The following ATIC variants were observed in gnomAD, a reference collection of about 807,000 sequenced individuals.
ATIC encodes the protein 5-aminoimidazole-4-carboxamide ribonucleotide formyltransferase/IMP cyclohydrolase.
In ATIC, 64 loss-of-function variants were observed where a neutral mutation model predicts 72.5. The observed-to-expected ratio is 0.88, with a 90% CI of 0.72 to 1.09. The LOEUF is 1.09. Among genes scored for constraint, ATIC ranks in the 50% least tolerant of loss-of-function variants. The pLI is 0.00. For missense variants in ATIC, 787 were observed against 732.4 expected (o/e 1.07, Z -0.86); for synonymous variants, 281 against 267.1 (o/e 1.05, Z -0.51).
chr2:215,361,655 T>A, the ATIC span: 14 of 1,510,278 alleles, frequency 9.3e-6, no homozygotes, highest in African/African-American at 1.4e-5. Flanking sequence ...GAAAAAAAAA[T>A]TAGTGGCAAA....
chr2:215,358,405 G>A, the ATIC span, among the ~76,000 whole-genome samples: 1 of 152,052 alleles, frequency 6.6e-6, no homozygotes, highest in East Asian at 1.9e-4. Context: ...ATTCTCGGGG[G>A]AAGCAATAAC....
chr2:215,318,934 T>C (rs1437666037), intron 3 of ATIC, among the ~76,000 whole-genome samples: 2 of 151,962 alleles, frequency 1.3e-5, no homozygotes, highest in Admixed American at 6.6e-5. Flanking sequence ...TGGAGTGCAG[T>C]GGTGCGATCA....
At chr2:215,354,165 A>T (rs908928191), downstream of ATIC, among the ~76,000 whole-genome samples, 2 of 151,496 alleles carry the variant, frequency 1.3e-5, no homozygotes, top group Non-Finnish European at 2.9e-5. Flanking sequence ...GTAGCTGGGG[A>T]CCACAGGTGT....
Position 215,334,984 on chromosome 2 carries a change from G to A in ATIC, c.988G>A (p.Ala330Thr). Reference protein sequence around the residue: ...ALSDVCDVPTAKIISREVSDG... With the variant: ...ALSDVCDVPTTKIISREVSDG... Reference sequence around the variant, plus strand: ...GTCCGATGTTTGTGATGTACCAACTGCAAAAATTATTTCCAGAGAAGTTAG... The same window carrying A: ...GTCCGATGTTTGTGATGTACCAACTACAAAAATTATTTCCAGAGAAGTTAG... Residue 330 changes from alanine (A) to threonine (T), a missense_variant, in exon 10 of 16, where the codon GCA becomes ACA. Ala to Thr is a moderately conservative substitution (Grantham distance 58). Transcript: ENST00000236959. The A allele has an allele frequency of 1.9e-6, 3 of 1,613,082 alleles. No homozygotes were observed. The highest frequency in any genetic ancestry group is 8.5e-7 in the Non-Finnish European group (1 of 1,179,330).
At chr2:215,318,392 T>G (rs928692805) in intron 3 of ATIC, among the ~76,000 whole-genome samples, 159 bp downstream of exon 3, 4 of 152,244 alleles carry the variant, frequency 2.6e-5, no homozygotes, top group Admixed American at 2.6e-4. Context: ...ACGTTAGAAC[T>G]GGTTTAAAAT....
intron 13 of ATIC, among the ~76,000 whole-genome samples, chr2:215,346,025 C>T (rs1384531366): frequency 6.6e-6 from 1 of 152,154 alleles, no homozygotes; most frequent in African/African-American, 2.4e-5. Context: ...GGAATTGTTT[C>T]TACTTTTAGC....
chr2:215,339,976 C>T (rs139119835), intron 12 of ATIC, among the ~76,000 whole-genome samples: 2,098 of 149,936 alleles, frequency 0.014, 34 homozygotes, highest in African/African-American at 0.047. Flanking sequence ...GTTTTTATCC[C>T]TTTGAAGCTC....
intron 12 of ATIC, among the ~76,000 whole-genome samples, chr2:215,343,006 TA>T (rs1186168222): frequency 6.6e-6 from 1 of 152,222 alleles, no homozygotes; most frequent in Non-Finnish European, 1.5e-5. Flanking sequence ...CCAGGGTTGT[TA>T]ACTGCTTTGT....
the ATIC span, among the ~76,000 whole-genome samples, chr2:215,357,984 T>C: frequency 9.2e-5 from 14 of 152,140 alleles, no homozygotes; most frequent in Non-Finnish European, 2.1e-4. Context: ...TGTGCTGATG[T>C]GATGTTTCTT....
At chr2:215,342,926 G>T (rs764740411) in intron 12 of ATIC, among the ~76,000 whole-genome samples, 1 of 152,182 alleles carries the variant, frequency 6.6e-6, no homozygotes, top group African/African-American at 2.4e-5. Flanking sequence ...TGATCTACCC[G>T]CCTGGGATTA....
chr2:215,321,011 T>C (rs1299643127), intron 4 of ATIC, among the ~76,000 whole-genome samples: 2 of 152,124 alleles, frequency 1.3e-5, no homozygotes, highest in Admixed American at 1.3e-4. Flanking sequence ...ACCTCCAACA[T>C]TGGGGATCAC....
intron 6 of ATIC, among the ~76,000 whole-genome samples, chr2:215,326,609 CAA>C (rs879810774): frequency 3.0e-4 from 28 of 92,956 alleles, no homozygotes; most frequent in Admixed American, 3.5e-4. Flanking sequence ...GACTTTGTCT[CAA>C]AAAAAAAAAA....
intron 12 of ATIC, among the ~76,000 whole-genome samples, chr2:215,340,328 G>A (rs961192326): frequency 1.3e-5 from 2 of 152,110 alleles, no homozygotes; most frequent in African/African-American, 2.4e-5. Flanking sequence ...AAATTTGACC[G>A]GAGTTACACA....
At position 215,319,793 on chromosome 2, in the gene ATIC, C is replaced by G. The variant is rs898514599; in HGVS notation, c.290+62C>G. On this transcript the variant is annotated intron_variant, in intron 4 of 15. Transcript: ENST00000236959. ...ACCAACGACAAAGACTATGCCAAAC[C>G]TGGTGTCCCTGTGTTTTCTTACTCA... is the stretch of plus-strand genomic sequence containing the variant. 2.3e-6 allele frequency: 3 copies of G among 1,305,064 alleles called. No homozygotes were observed. In the African/African-American group the frequency reaches 4.4e-5, roughly 19 times the overall value. The allele number at this position is 1,305,064 out of a possible 1,614,324, so 80.8% of individuals were successfully genotyped here.
In ATIC at chr2:215,327,934, G is replaced by A. The variant is rs529848618; in HGVS notation, c.688+956G>A. On this transcript the variant is annotated intron_variant, in intron 7 of 15. Coordinates refer to ENST00000236959, the MANE Select transcript of ATIC (RefSeq NM_004044.7). ...AATTAAGACAACGGAGTCTCGCTCT[G>A]TCACCCAGGCTGGAGTGCAGTGGCG... Among the ~76,000 whole-genome samples, 9 of 149,734 alleles carry A rather than the reference G, an allele frequency of 6.0e-5. No individual in the cohort carries two copies. In the East Asian group the frequency reaches 1.4e-3, roughly 23 times the overall value.
chr2:215,358,385 G>A, the ATIC span, among the ~76,000 whole-genome samples: 11 of 151,404 alleles, frequency 7.3e-5, no homozygotes, highest in African/African-American at 2.4e-4. Context: ...AATCTTGCCC[G>A]CTTAAAACAA....
chr2:215,312,746 T>C, intron 2 of ATIC, 122 bp downstream of exon 2: 2 of 1,457,068 alleles, frequency 1.4e-6, no homozygotes, highest in Non-Finnish European at 1.9e-6. Flanking sequence ...GAGGTTGGTG[T>C]AATACTTCCC....
intron 12 of ATIC, among the ~76,000 whole-genome samples, chr2:215,341,169 A>T (rs1042672219): frequency 3.3e-5 from 5 of 152,154 alleles, no homozygotes; most frequent in Non-Finnish European, 7.4e-5. Context: ...ATATTCTTTC[A>T]TTTCTATCTT....
At chr2:215,344,678 T>C in intron 12 of ATIC, 101 bp from the exon 13 acceptor site, 1 of 1,156,036 alleles carries the variant, frequency 8.7e-7, no homozygotes, top group Non-Finnish European at 1.3e-6. Flanking sequence ...AGTGAGACTC[T>C]GACTCAAAAA....
Sources: gnomAD v4.1 joint callset for allele counts (sites outside exome capture counted in the v4.1 genomes callset) on GRCh38, gnomAD v4.1.1 for gene constraint, MANE v1.5 for transcripts, NCBI Gene and HGNC (gene_info 2026-07-23, HGNC 2026-07-21) for gene names.